HNRNPC: variants seen among roughly 807,000 people sequenced by gnomAD.
HNRNPC encodes the protein heterogeneous nuclear ribonucleoproteins C1/C2.
A neutral mutation model predicts 33.2 loss-of-function variants in HNRNPC; 3 were observed. The observed-to-expected ratio is 0.09, with a 90% CI of 0.04 to 0.23. The LOEUF is 0.23. Among genes scored for constraint, HNRNPC ranks in the 10% least tolerant of loss-of-function variants. HNRNPC has a pLI of 1.00. For synonymous variants in HNRNPC, 121 were observed against 126.7 expected (o/e 0.96, Z 0.30); for missense variants, 143 against 366.7 (o/e 0.39, Z 4.98).
At position 21,251,853 on chromosome 14, in the gene HNRNPC, A is replaced by G. The variant is rs998634406; in HGVS notation, c.-37+11458T>C. On this transcript the variant is annotated intron_variant, in intron 2 of 8. Coordinates refer to ENST00000553300, the MANE Select transcript of HNRNPC (RefSeq NM_004500.4). ...AACATAAATAATCTCACATCAGTTA[A>G]GATCAGTTTTTTTTGCCAAATTGAG... is the stretch of plus-strand genomic sequence containing the variant. 5.9e-5 allele frequency among the ~76,000 whole-genome samples: 9 copies of G among 152,338 alleles called. No individual in the cohort carries two copies. The East Asian group carries it at 1.2e-3, about 20-fold the overall frequency.
chr14:21,218,704 A>AAAAAAAAAAC (rs1225752731), intron 5 of HNRNPC, among the ~76,000 whole-genome samples: 2 of 136,794 alleles, frequency 1.5e-5, no homozygotes, highest in African/African-American at 5.5e-5. Context: ...AAAAAAAAAA[A>AAAAAAAAAAC]AAAACTGAAA....
chr14:21,241,177 T>C lies in HNRNPC; in HGVS notation c.-36-6948A>G, dbSNP rs1259322039. On this transcript the variant is annotated intron_variant, in intron 2 of 8. Coordinates refer to ENST00000553300, the MANE Select transcript of HNRNPC (RefSeq NM_004500.4). ...CGGGGGGCTGAGGCAAAGAACTGCC[T>C]GAACCCAGGAGGCGGAGGTTGTAGT... Among the ~76,000 whole-genome samples the C allele has an allele frequency of 2.0e-5, 3 of 147,810 alleles. No individual in the cohort carries two copies. In the East Asian group the frequency reaches 6.1e-4, roughly 30 times the overall value.
At chr14:21,222,971 C>T (rs7147816) in intron 5 of HNRNPC, among the ~76,000 whole-genome samples, 27,720 of 151,880 alleles carry the variant, frequency 0.18, 3,000 homozygotes, top group African/African-American at 0.27. Flanking sequence ...GAGGCTGAGG[C>T]GGCCAGATCT....
intron 5 of HNRNPC, among the ~76,000 whole-genome samples, chr14:21,226,330 A>G (rs1475246329): frequency 2.9e-5 from 2 of 69,168 alleles, no homozygotes; most frequent in African/African-American, 1.1e-4. Context: ...TCCAAAAGAA[A>G]AAAAAAAAAA....
chr14:21,230,464 T>A, intron 4 of HNRNPC, 98 bp from the exon 5 acceptor site: 2 of 806,842 alleles, frequency 2.5e-6, no homozygotes, highest in South Asian at 3.0e-5. Context: ...CCACAACAAA[T>A]AGATCAACAA....
At chr14:21,258,158 C>G (rs754192813) in intron 2 of HNRNPC, among the ~76,000 whole-genome samples, 16 of 152,158 alleles carry the variant, frequency 1.1e-4, no homozygotes, top group African/African-American at 3.9e-4. Flanking sequence ...TTTGGGAAAT[C>G]GAGGTGGGCG....
intron 2 of HNRNPC, among the ~76,000 whole-genome samples, chr14:21,249,932 G>T (rs1472322891): frequency 1.3e-5 from 2 of 152,150 alleles, no homozygotes; most frequent in Non-Finnish European, 2.9e-5. Flanking sequence ...AATGACTTCA[G>T]TAAGGTCAAT....
At chr14:21,264,191 AC>A (rs940706324) in intron 1 of HNRNPC, 1 of 152,154 alleles carries the variant, frequency 6.6e-6, no homozygotes, top group Non-Finnish European at 1.5e-5. Context: ...AGATTATAAA[AC>A]CTAAGCAGAT....
intron 5 of HNRNPC, among the ~76,000 whole-genome samples, chr14:21,221,832 G>A (rs1202927000): frequency 2.0e-5 from 3 of 151,964 alleles, no homozygotes; most frequent in South Asian, 2.1e-4. Context: ...CAGATCACGA[G>A]GTCAGGAGAT....
intron 2 of HNRNPC, among the ~76,000 whole-genome samples, chr14:21,238,403 A>G (rs1894964193): frequency 6.6e-6 from 1 of 152,194 alleles, no homozygotes. Context: ...AAACACATCA[A>G]AATATCTTAA....
Position 21,215,934 on chromosome 14 carries a change from G to A in HNRNPC, c.366-2817C>T, listed in dbSNP as rs546260152. Among the ~76,000 whole-genome samples the A allele has an allele frequency of 5.0e-4, 70 of 138,700 alleles. 2 individuals are homozygous for A. The highest frequency in any genetic ancestry group is 7.4e-3 in the Middle Eastern group (2 of 272). The allele number at this position is 138,700 out of a possible 152,430, so 91.0% of individuals were successfully genotyped here. A position where few individuals can be genotyped will look rare whatever the true frequency, so the allele number is the denominator to read the frequency against. ...AAAAGAAAGGAAGAAAGAAAGAAAAGGAAAAGAAAAAGAAAAAAAAAACAA... is the reference window on the plus strand; with the variant it reads ...AAAAGAAAGGAAGAAAGAAAGAAAAAGAAAAGAAAAAGAAAAAAAAAACAA... On this transcript the variant is annotated intron_variant, in intron 5 of 8. Transcript: ENST00000553300.
intron 2 of HNRNPC, among the ~76,000 whole-genome samples, chr14:21,256,732 G>A (rs1457029238): frequency 6.6e-6 from 1 of 151,760 alleles, no homozygotes; most frequent in East Asian, 1.9e-4. Context: ...TCGGCTCACT[G>A]CAACCTCTGC....
At chr14:21,254,691 A>AG (rs976954627) in intron 2 of HNRNPC, 121 of 152,288 alleles carry the variant, frequency 7.9e-4, no homozygotes, top group African/African-American at 2.8e-3. Context: ...GGATTGCCTG[A>AG]GGTCGCGAGT....
At position 21,234,185 on chromosome 14, in the gene HNRNPC, G is replaced by A; in HGVS notation, c.9C>T (p.Ser3=). Residue 3 remains serine, a synonymous_variant, in exon 3 of 9, where the codon AGC becomes AGT. Transcript: ENST00000553300. MA[S]NVTNKTDPRS... ...GAGGATCTGTCTTGTTGGTAACGTT[G>A]CTGGCCATCGTGTTTGATGGTAAGG... 1.2e-6 allele frequency: 2 copies of A among 1,613,792 alleles called. No homozygotes were observed. Among genetic ancestry groups the A allele is most frequent in the Non-Finnish European group, 1.7e-6 (2 of 1,179,762 alleles).
At chr14:21,214,365 A>G (rs1891929477) in intron 5 of HNRNPC, among the ~76,000 whole-genome samples, 1 of 152,236 alleles carries the variant, frequency 6.6e-6, no homozygotes, top group African/African-American at 2.4e-5. Flanking sequence ...ACAAGATCTC[A>G]TTGCTAATTC....
intron 3 of HNRNPC, among the ~76,000 whole-genome samples, chr14:21,233,108 G>T (rs1245108345): frequency 2.0e-5 from 3 of 151,796 alleles, no homozygotes. Flanking sequence ...TCAGGTTTTG[G>T]TACATTAACC....
chr14:21,248,104 T>C (rs1337880520), intron 2 of HNRNPC, among the ~76,000 whole-genome samples: 1 of 152,158 alleles, frequency 6.6e-6, no homozygotes, highest in African/African-American at 2.4e-5. Flanking sequence ...TTTTGGAGGC[T>C]GAGGTGGGAG....
rs369711454 is a variant in HNRNPC, at chr14:21,241,939, T to C, written c.-36-7710A>G. ...TATGTTTAAGTATTAGAACTAAGAA[T>C]ACCTAAGACCTTGTACATCATGGTG... On this transcript the variant is annotated intron_variant, in intron 2 of 8. Coordinates refer to ENST00000553300, the MANE Select transcript of HNRNPC (RefSeq NM_004500.4). Among the ~76,000 whole-genome samples the C allele has an allele frequency of 5.9e-5, 9 of 152,322 alleles. No homozygotes were observed. In the East Asian group the frequency reaches 1.2e-3, roughly 20 times the overall value.
rs1056109425 is a variant in HNRNPC at position 21,210,058 on chromosome 14, T to C, written c.*1165A>G. The C allele has an allele frequency of 1.4e-4, 21 of 152,196 alleles. No homozygotes were observed. Among genetic ancestry groups the C allele is most frequent in the African/African-American group, 4.8e-4 (20 of 41,430 alleles). 9.4% of individuals were successfully genotyped at this position (152,196 alleles called of 1,614,324 possible). A position where few individuals can be genotyped will look rare whatever the true frequency, so the allele number is the denominator to read the frequency against. On this transcript the variant is annotated 3_prime_UTR_variant, in exon 9 of 9. Transcript: ENST00000553300. ...GGAATATCAGGAAGTAAGAGTTTTCTTGTTTTCAGGAACATGGAGGTATAT... is the reference window on the plus strand; with the variant it reads ...GGAATATCAGGAAGTAAGAGTTTTCCTGTTTTCAGGAACATGGAGGTATAT...
Sources: allele counts gnomAD v4.1 joint callset (sites outside exome capture counted in the v4.1 genomes callset), GRCh38; gene constraint gnomAD v4.1.1; transcripts MANE v1.5; gene names NCBI Gene and HGNC (gene_info 2026-07-23, HGNC 2026-07-21).